JPH3: variants seen among roughly 807,000 people sequenced by gnomAD.
JPH3 encodes the protein junctophilin 3.
JPH3 carries 11 observed loss-of-function variants against 59.6 expected under a neutral mutation model. The observed-to-expected ratio is 0.18, with a 90% CI of 0.12 to 0.31. JPH3 has a LOEUF of 0.31. JPH3 is among the 10% of genes least tolerant of loss of function. JPH3 has a pLI of 1.00. For synonymous variants in JPH3, 673 were observed against 483.6 expected (o/e 1.39, Z -5.14); for missense variants, 1,202 against 1,105.7 (o/e 1.09, Z -1.24).
chr16:87,672,809 G>C (rs374454255), intron 2 of JPH3, among the ~76,000 whole-genome samples: 36 of 152,318 alleles, frequency 2.4e-4, no homozygotes, highest in African/African-American at 8.4e-4. Context: ...GAAAGGTAAA[G>C]CTGGATCCCT....
intron 2 of JPH3, among the ~76,000 whole-genome samples, chr16:87,679,137 TGA>T (rs2033222968): frequency 6.6e-6 from 1 of 152,218 alleles, no homozygotes; most frequent in South Asian, 2.1e-4. Flanking sequence ...CAGGCTCAGC[TGA>T]GAGCTCCTCG....
At chr16:87,677,388 AC>A in intron 2 of JPH3, among the ~76,000 whole-genome samples, 1 of 152,062 alleles carries the variant, frequency 6.6e-6, no homozygotes, top group Non-Finnish European at 1.5e-5. Flanking sequence ...GTCTCAAAAA[AC>A]AAACAAAATA....
At chr16:87,649,134 G>T (rs1196066900) in intron 2 of JPH3, among the ~76,000 whole-genome samples, 2 of 152,124 alleles carry the variant, frequency 1.3e-5, no homozygotes, top group African/African-American at 2.4e-5. Flanking sequence ...CTGCAGAGAG[G>T]GGCGGGAGCC....
chr16:87,653,236 T>C (rs537244587), intron 2 of JPH3, among the ~76,000 whole-genome samples: 1 of 152,354 alleles, frequency 6.6e-6, no homozygotes, highest in South Asian at 2.1e-4. Flanking sequence ...ATGCCTGCTC[T>C]GAAAGGGGCT....
rs1298204075 is a variant in JPH3 at position 87,690,286 on chromosome 16, C to T, written c.1926C>T (p.Asp642=). ...KGGACRGLGD[D]HRPEDRGFGV... is the part of the protein sequence containing the mutation. ...GCGCCTGCCGGGGCTTGGGGGACGA[C>T]CACCGCCCCGAGGACCGGGGCTTCG... The change falls in exon 4 of 5, where the codon GAC becomes GAT. Residue 642 remains aspartate, a synonymous_variant. Coordinates refer to ENST00000284262, the MANE Select transcript of JPH3 (RefSeq NM_020655.4). 6.3e-7 allele frequency: 1 copy of T among 1,599,380 alleles called. No homozygotes were observed. The highest frequency in any genetic ancestry group is 8.5e-7 in the Non-Finnish European group (1 of 1,173,488).
In JPH3 at chr16:87,696,783, CAGA is replaced by C; in HGVS notation, c.*128_*130del. On this transcript the variant is annotated 3_prime_UTR_variant, in exon 5 of 5. Transcript: ENST00000284262. ...GCCCAGCGACTTCCAAGTCCTCTCA[CAGA>C]AGAACCACACGATTGGGTATCACTC... The C allele has an allele frequency of 1.3e-6, 1 of 758,436 alleles. No homozygotes were observed. Among genetic ancestry groups the C allele is most frequent in the South Asian group, 1.5e-5 (1 of 66,862 alleles). The allele number at this position is 758,436 out of a possible 1,614,324, so 47.0% of individuals were successfully genotyped here. A position where few individuals can be genotyped will look rare whatever the true frequency, so the allele number is the denominator to read the frequency against.
chr16:87,682,255 C>T (rs566465092), intron 2 of JPH3, among the ~76,000 whole-genome samples: 2 of 152,224 alleles, frequency 1.3e-5, no homozygotes, highest in Admixed American at 6.5e-5. Flanking sequence ...CTAGTTAGCA[C>T]AGTGGAATCT....
At chr16:87,616,771 C>T (rs921789015) in intron 1 of JPH3, among the ~76,000 whole-genome samples, 4 of 152,214 alleles carry the variant, frequency 2.6e-5, no homozygotes, top group Non-Finnish European at 5.9e-5. Flanking sequence ...CTTTTGTAGC[C>T]ATACCCGCTG....
At chr16:87,672,181 G>A (rs2033034475) in intron 2 of JPH3, among the ~76,000 whole-genome samples, 1 of 152,144 alleles carries the variant, frequency 6.6e-6, no homozygotes, top group South Asian at 2.1e-4. Context: ...GCTGTGGCCT[G>A]TAGGTGAGGG....
At position 87,678,861 on chromosome 16, in the gene JPH3, GCGCCAGCAGC is replaced by G. The variant is rs537732049; in HGVS notation, c.1161-5270_1161-5261del. 4.7e-3 allele frequency among the ~76,000 whole-genome samples: 718 copies of G among 152,342 alleles called. 4 individuals are homozygous for G. Among genetic ancestry groups the G allele is most frequent in the Non-Finnish European group, 8.1e-3 (551 of 68,032 alleles). On this transcript the variant is annotated intron_variant, in intron 2 of 4. Transcript: ENST00000284262. ...CACCACGAGCCTGGGAACGCCGAGG[GCGCCAGCAGC>G]CGCCAGCAGCTGGAGAGAGGATGGA...
In JPH3 at chr16:87,603,230, C is replaced by G; in HGVS notation, c.84C>G (p.Gly28=). 1 of 1,613,858 alleles carries G rather than the reference C, an allele frequency of 6.2e-7. No individual in the cohort carries two copies. The highest frequency in any genetic ancestry group is 2.2e-5 in the East Asian group (1 of 44,830). ...AGGACGGCAAGGCGCACGGCCATGG[C>G]GTCTGCACCGGCCCCAAGGGCCAAG... is the stretch of plus-strand genomic sequence containing the variant. ...GWEDGKAHGH[G]VCTGPKGQGE... The change falls in exon 1 of 5, where the codon GGC becomes GGG. Residue 28 remains glycine, a synonymous_variant. Coordinates refer to ENST00000284262, the MANE Select transcript of JPH3 (RefSeq NM_020655.4).
At chr16:87,633,495 T>TA (rs1567590304) in intron 1 of JPH3, among the ~76,000 whole-genome samples, 6 of 145,638 alleles carry the variant, frequency 4.1e-5, no homozygotes, top group African/African-American at 1.6e-4. Flanking sequence ...AAAAAAAAAT[T>TA]TATATATATA....
chr16:87,686,668 C>T (rs964534862), intron 3 of JPH3, among the ~76,000 whole-genome samples: 1 of 150,980 alleles, frequency 6.6e-6, no homozygotes, highest in South Asian at 2.1e-4. Flanking sequence ...TCCCAGAGGG[C>T]TCAGTCCTGG....
In JPH3 at chr16:87,690,357, G is replaced by C; in HGVS notation, c.1997G>C (p.Arg666Thr). 1 of 1,560,502 alleles carries C rather than the reference G, an allele frequency of 6.4e-7. No homozygotes were observed. Among genetic ancestry groups the C allele is most frequent in the Non-Finnish European group, 8.7e-7 (1 of 1,155,740 alleles). ...RSKAQNKENF[R>T]PASSAEPAVQ... Reference sequence around the variant, plus strand: ...AAGGCCCAGAACAAGGAGAACTTCAGGCCGGCCTCCTCCGCGGAGCCCGCC... The same window carrying C: ...AAGGCCCAGAACAAGGAGAACTTCACGCCGGCCTCCTCCGCGGAGCCCGCC... The change falls in exon 4 of 5, where the codon AGG becomes ACG. Residue 666 changes from arginine to threonine, a missense_variant. Arg to Thr is a moderately conservative substitution (Grantham distance 71). Coordinates refer to ENST00000284262, the MANE Select transcript of JPH3 (RefSeq NM_020655.4).
At chr16:87,644,189 C>T (rs866701219) in intron 1 of JPH3, 69 bp from the exon 2 acceptor site, 3 of 1,489,954 alleles carry the variant, frequency 2.0e-6, no homozygotes, top group South Asian at 2.6e-5. Flanking sequence ...TGCTTCAACC[C>T]TGTCCGTGGC....
intron 1 of JPH3, among the ~76,000 whole-genome samples, chr16:87,615,524 C>T (rs1202101636): frequency 6.6e-6 from 1 of 152,138 alleles, no homozygotes; most frequent in Non-Finnish European, 1.5e-5. Context: ...TGTTTCGTCT[C>T]CTTGTGGGGA....
Position 87,696,123 on chromosome 16 carries a change from C to T in JPH3, c.2167-457C>T, listed in dbSNP as rs1046320040. 6.5e-6 allele frequency: 3 copies of T among 458,164 alleles called. No homozygotes were observed. In the Admixed American group the frequency reaches 7.0e-5, roughly 11 times the overall value. 28.4% of individuals were successfully genotyped at this position (458,164 alleles called of 1,614,324 possible). A position where few individuals can be genotyped will look rare whatever the true frequency, so the allele number is the denominator to read the frequency against. On this transcript the variant is annotated intron_variant, in intron 4 of 4. Transcript: ENST00000284262. ...TTTGGGAGTCCTCTGAGTTCCAGGG[C>T]CTCTCTGCTGGGCTGCATCTGACAC...
At chr16:87,653,401 C>T (rs1414318626) in intron 2 of JPH3, among the ~76,000 whole-genome samples, 1 of 152,122 alleles carries the variant, frequency 6.6e-6, no homozygotes, top group African/African-American at 2.4e-5. Context: ...CCCTGCTGGC[C>T]ATGCCTGGAG....
chr16:87,626,664 C>A (rs544214293), intron 1 of JPH3, among the ~76,000 whole-genome samples: 3 of 152,392 alleles, frequency 2.0e-5, no homozygotes, highest in African/African-American at 7.2e-5. Context: ...AGCCACTCAG[C>A]CTATGGGGTG....
Sources: gnomAD v4.1 joint callset for allele counts (sites outside exome capture counted in the v4.1 genomes callset) on GRCh38, gnomAD v4.1.1 for gene constraint, MANE v1.5 for transcripts, NCBI Gene and HGNC (gene_info 2026-07-23, HGNC 2026-07-21) for gene names.